KCNJ16: variants seen among roughly 807,000 people sequenced by gnomAD.
The protein encoded by KCNJ16 is potassium inwardly rectifying channel subfamily J member 16.
KCNJ16 carries 15 observed loss-of-function variants against 18.5 expected under a neutral mutation model. That is an observed-to-expected ratio of 0.81 (90% CI 0.54 to 1.25). The LOEUF is 1.25. Among genes scored for constraint, KCNJ16 ranks in the 50% most tolerant of loss-of-function variants. The pLI is 0.00. For missense variants in KCNJ16, 523 were observed against 525.7 expected (o/e 0.99, Z 0.05); for synonymous variants, 174 against 186.5 (o/e 0.93, Z 0.55).
rs1383185382 is a variant in KCNJ16 at position 70,097,406 on chromosome 17, A to T, written c.-299-3252A>T. On this transcript the variant is annotated intron_variant, in intron 1 of 3. Transcript: ENST00000392671. ...ATGAGTTACCTTATTAAAAATTTTA[A>T]ATCAAAAAGTGTTTATATTGTTTGG... 2.0e-5 allele frequency among the ~76,000 whole-genome samples: 3 copies of T among 152,188 alleles called. No homozygotes were observed. The East Asian group carries it at 5.8e-4, about 29-fold the overall frequency.
rs1269803837 is a variant in KCNJ16 at position 70,132,869 on chromosome 17, G to A, written c.782G>A (p.Ser261Asn). ...ATTGTCCATGAAATTGACCATGAGA[G>A]CCCTCTGTATGCCCTTGACCGCAAA... ...VTIVHEIDHE[S>N]PLYALDRKAV... Residue 261 changes from serine (S) to asparagine (N), a missense_variant, in exon 4 of 4, where the codon AGC (serine) becomes AAC (asparagine). Coordinates refer to ENST00000392671, the MANE Select transcript of KCNJ16 (RefSeq NM_170741.4). The A allele has an allele frequency of 6.2e-7, 1 of 1,614,096 alleles. No individual in the cohort carries two copies. The highest frequency in any genetic ancestry group is 1.1e-5 in the South Asian group (1 of 91,082).
intron 1 of KCNJ16, among the ~76,000 whole-genome samples, chr17:70,095,223 TG>T (rs1431334891): frequency 6.6e-6 from 1 of 152,088 alleles, no homozygotes; most frequent in African/African-American, 2.4e-5. Flanking sequence ...TTTTTTATCT[TG>T]AGATGCTGAA....
At chr17:70,115,867 G>A (rs537412293) in intron 2 of KCNJ16, among the ~76,000 whole-genome samples, 15 of 152,176 alleles carry the variant, frequency 9.9e-5, no homozygotes, top group South Asian at 2.1e-4. Context: ...TTACAGCATC[G>A]ATGGCTGACT....
At chr17:70,076,446 A>G (rs1567772857) in intron 1 of KCNJ16, among the ~76,000 whole-genome samples, 1 of 39,392 alleles carries the variant, frequency 2.5e-5, no homozygotes, top group African/African-American at 9.5e-5. Flanking sequence ...CCAGAGTTCA[A>G]TTCAAATCAA....
intron 1 of KCNJ16, among the ~76,000 whole-genome samples, chr17:70,097,292 C>T (rs1285203478): frequency 6.6e-6 from 1 of 152,156 alleles, no homozygotes; most frequent in African/African-American, 2.4e-5. Flanking sequence ...AAGTTTCTAG[C>T]AAACATTTTT....
Position 70,077,206 on chromosome 17 carries a change from G to C in KCNJ16, c.-300+1816G>C, listed in dbSNP as rs1451838093. 2.6e-5 allele frequency among the ~76,000 whole-genome samples: 4 copies of C among 152,230 alleles called. No individual in the cohort carries two copies. In the East Asian group the frequency reaches 7.7e-4, roughly 29 times the overall value. Reference sequence around the variant, plus strand: ...GGAATACATGAGGTCCTGTAGATGTGCCATAATATTTACCAAGACAGATAC... The same window carrying C: ...GGAATACATGAGGTCCTGTAGATGTCCCATAATATTTACCAAGACAGATAC... On this transcript the variant is annotated intron_variant, in intron 1 of 3. Coordinates refer to ENST00000392671, the MANE Select transcript of KCNJ16 (RefSeq NM_170741.4).
intron 2 of KCNJ16, among the ~76,000 whole-genome samples, chr17:70,115,164 T>G (rs2073353565): frequency 6.6e-6 from 1 of 152,108 alleles, no homozygotes; most frequent in South Asian, 2.1e-4. Flanking sequence ...AAGAATCAAT[T>G]GAGGACCAAT....
At chr17:70,103,108 A>T (rs891293631) in intron 2 of KCNJ16, among the ~76,000 whole-genome samples, 4 of 142,724 alleles carry the variant, frequency 2.8e-5, no homozygotes, top group Non-Finnish European at 4.5e-5. Flanking sequence ...TATGTATATT[A>T]TATATATATA....
chr17:70,084,110 G>A (rs1397813160), intron 1 of KCNJ16, among the ~76,000 whole-genome samples: 16 of 152,180 alleles, frequency 1.1e-4, no homozygotes, highest in Non-Finnish European at 2.2e-4. Flanking sequence ...GACAACCTGC[G>A]TGGGTCGCCT....
intron 2 of KCNJ16, among the ~76,000 whole-genome samples, chr17:70,103,292 GTGTGT>G (rs2072742606): frequency 2.2e-5 from 2 of 91,424 alleles, no homozygotes; most frequent in Admixed American, 1.3e-4. Flanking sequence ...ATATATGTGT[GTGTGT>G]ATATATATAT....
At chr17:70,114,974 C>T (rs578077848) in intron 2 of KCNJ16, among the ~76,000 whole-genome samples, 2 of 152,246 alleles carry the variant, frequency 1.3e-5, no homozygotes, top group South Asian at 2.1e-4. Flanking sequence ...TTTTTATCCT[C>T]ATAGCAATCC....
chr17:70,093,204 C>G (rs978679978), intron 1 of KCNJ16, among the ~76,000 whole-genome samples: 21 of 152,200 alleles, frequency 1.4e-4, no homozygotes, highest in Non-Finnish European at 2.6e-4. Flanking sequence ...GCTGCTTTGA[C>G]AAAGCATTGC....
chr17:70,084,139 A>G (rs1240965134), intron 1 of KCNJ16, among the ~76,000 whole-genome samples: 4 of 152,190 alleles, frequency 2.6e-5, no homozygotes, highest in African/African-American at 9.7e-5. Flanking sequence ...TGTGCCCTAC[A>G]GTGACTTGTT....
chr17:70,131,088 A>G (rs1477871854), intron 3 of KCNJ16, 113 bp downstream of exon 3: 4 of 1,158,570 alleles, frequency 3.5e-6, no homozygotes, highest in African/African-American at 1.5e-5. Context: ...AAAGCCGGAG[A>G]GAAGGGTTCA....
intron 1 of KCNJ16, among the ~76,000 whole-genome samples, chr17:70,087,288 T>C (rs1004051176): frequency 2.6e-5 from 4 of 152,176 alleles, no homozygotes; most frequent in African/African-American, 9.6e-5. Context: ...TTAAGTGATG[T>C]TAGTGTAAGA....
At chr17:70,109,674 G>C (rs1598144488) in intron 2 of KCNJ16, among the ~76,000 whole-genome samples, 1 of 152,118 alleles carries the variant, frequency 6.6e-6, no homozygotes, top group Non-Finnish European at 1.5e-5. Flanking sequence ...GTCATAGCTG[G>C]ATGCGTCCCA....
intron 1 of KCNJ16, among the ~76,000 whole-genome samples, chr17:70,098,109 T>C (rs2143802183): frequency 6.6e-6 from 1 of 152,320 alleles, no homozygotes; most frequent in Non-Finnish European, 1.5e-5. Flanking sequence ...CTCCCCATTT[T>C]AGATCCCAGG....
chr17:70,087,427 C>T (rs1017705945), intron 1 of KCNJ16, among the ~76,000 whole-genome samples: 1 of 151,996 alleles, frequency 6.6e-6, no homozygotes, highest in East Asian at 1.9e-4. Context: ...GGAGGCCAGG[C>T]GCGGTAGCTC....
chr17:70,104,733 T>C (rs982913743), intron 2 of KCNJ16: 26 of 152,476 alleles, frequency 1.7e-4, no homozygotes, highest in African/African-American at 5.8e-4. Context: ...AAGATGTAAA[T>C]AGGCATGGAA....
Sources: allele counts gnomAD v4.1 joint callset (sites outside exome capture counted in the v4.1 genomes callset), GRCh38; gene constraint gnomAD v4.1.1; transcripts MANE v1.5; gene names NCBI Gene and HGNC (gene_info 2026-07-23, HGNC 2026-07-21).